Variants in MCC observed in about 807,000 individuals in gnomAD.
MCC encodes the protein colorectal mutant cancer protein.
In MCC, 90 loss-of-function variants were observed where a neutral mutation model predicts 116.2. The ratio of observed to expected loss-of-function variants is 0.77; its 90% CI spans 0.65 to 0.92. MCC has a LOEUF of 0.92. Among genes scored for constraint, MCC ranks in the 40% least tolerant of loss-of-function variants. The pLI is 0.00. For synonymous variants in MCC, 578 were observed against 510.5 expected (o/e 1.13, Z -1.78); for missense variants, 1,516 against 1,312.2 (o/e 1.16, Z -2.40).
intron 3 of MCC, among the ~76,000 whole-genome samples, chr5:113,296,768 A>G (rs576164077): frequency 1.3e-5 from 2 of 152,330 alleles, no homozygotes; most frequent in East Asian, 3.9e-4. Context: ...GCTTTTAGAT[A>G]TTCCAGTAGA....
At chr5:113,402,210 C>T (rs1260716190) in intron 1 of MCC, among the ~76,000 whole-genome samples, 2 of 147,946 alleles carry the variant, frequency 1.4e-5, no homozygotes, top group East Asian at 2.0e-4. Flanking sequence ...AGGAGAATGG[C>T]GTGAACCCGG....
intron 3 of MCC, among the ~76,000 whole-genome samples, chr5:113,197,057 AAGAAACGGTGGCAT>A (rs1212765109): frequency 6.6e-6 from 1 of 152,216 alleles, no homozygotes; most frequent in Non-Finnish European, 1.5e-5. Flanking sequence ...AAATCTGAGC[AAGAAACGGTGGCAT>A]ATGTTGATAT....
intron 3 of MCC, among the ~76,000 whole-genome samples, chr5:113,169,078 T>C (rs17135372): frequency 6.6e-6 from 1 of 151,898 alleles, no homozygotes; most frequent in Non-Finnish European, 1.5e-5. Flanking sequence ...AAAGAAATCT[T>C]GAAACTCCCA....
At chr5:113,138,035 CTTTTT>C (rs11353616) in intron 5 of MCC, among the ~76,000 whole-genome samples, 1 of 149,078 alleles carries the variant, frequency 6.7e-6, no homozygotes, top group East Asian at 2.0e-4. Flanking sequence ...TCCCAAAATT[CTTTTT>C]TTTTTTTTCT....
At chr5:113,148,955 C>T (rs1234461452) in intron 4 of MCC, among the ~76,000 whole-genome samples, 1 of 152,096 alleles carries the variant, frequency 6.6e-6, no homozygotes, top group Non-Finnish European at 1.5e-5. Context: ...CTGAATCAAT[C>T]CTTGACTTAG....
At chr5:113,325,173 G>C (rs1290816120) in intron 3 of MCC, among the ~76,000 whole-genome samples, 1 of 152,118 alleles carries the variant, frequency 6.6e-6, no homozygotes, top group Admixed American at 6.6e-5. Flanking sequence ...AATGAGATAA[G>C]TTAGAGGGGT....
chr5:113,106,423 C>T lies in MCC; in HGVS notation c.1028-2068G>A, dbSNP rs1426795115. On this transcript the variant is annotated intron_variant, in intron 6 of 18. Coordinates refer to ENST00000408903, the MANE Select transcript of MCC (RefSeq NM_001085377.2). ...TTCCCCTCATTCACTATGCTCCATT[C>T]ACACTCCTGGCCTTCTTTTTTCCCC... Among the ~76,000 whole-genome samples, 5 of 152,184 alleles carry T rather than the reference C, an allele frequency of 3.3e-5. No individual in the cohort carries two copies. The South Asian group carries it at 1.0e-3, about 32-fold the overall frequency.
intron 1 of MCC, among the ~76,000 whole-genome samples, chr5:113,466,978 T>C (rs1405562436): frequency 4.6e-5 from 7 of 152,178 alleles, no homozygotes; most frequent in South Asian, 2.1e-4. Flanking sequence ...TGCATAAATG[T>C]CTTCTTTTGA....
At chr5:113,483,057 T>C (rs1772420701) in intron 1 of MCC, among the ~76,000 whole-genome samples, 1 of 152,194 alleles carries the variant, frequency 6.6e-6, no homozygotes, top group Non-Finnish European at 1.5e-5. Context: ...ATCTTGGTGC[T>C]TTCGTTGAAA....
intron 3 of MCC, among the ~76,000 whole-genome samples, chr5:113,208,322 C>T (rs140323691): frequency 2.6e-4 from 39 of 152,214 alleles, no homozygotes; most frequent in African/African-American, 9.1e-4. Context: ...GAAGTTGGAA[C>T]CTATCTGTTC....
chr5:113,424,532 T>C (rs1442325352), intron 1 of MCC, among the ~76,000 whole-genome samples: 1 of 152,132 alleles, frequency 6.6e-6, no homozygotes, highest in Non-Finnish European at 1.5e-5. Flanking sequence ...CTCACCATCA[T>C]GGTGAAACAC....
chr5:113,284,563 T>C (rs184244166), intron 3 of MCC, among the ~76,000 whole-genome samples: 2 of 152,312 alleles, frequency 1.3e-5, no homozygotes, highest in East Asian at 1.9e-4. Flanking sequence ...CCCTGGGAAT[T>C]AGAAAAATAA....
intron 3 of MCC, among the ~76,000 whole-genome samples, chr5:113,205,158 C>T (rs1270159579): frequency 6.6e-6 from 1 of 152,132 alleles, no homozygotes; most frequent in Admixed American, 6.5e-5. Context: ...CTATGAGTTC[C>T]CTTGATGTAT....
chr5:113,371,011 AG>A (rs1768824496), intron 2 of MCC, among the ~76,000 whole-genome samples: 2 of 152,170 alleles, frequency 1.3e-5, no homozygotes, highest in African/African-American at 4.8e-5. Flanking sequence ...TGAGGTCAGG[AG>A]TTCGAGACCA....
At chr5:113,451,088 T>G (rs1015551564) in intron 1 of MCC, among the ~76,000 whole-genome samples, 1 of 152,138 alleles carries the variant, frequency 6.6e-6, no homozygotes, top group African/African-American at 2.4e-5. Context: ...GTAACTCAGT[T>G]TGGTCTCTGT....
intron 8 of MCC, among the ~76,000 whole-genome samples, chr5:113,091,203 C>G (rs919122331): frequency 1.3e-5 from 2 of 152,246 alleles, no homozygotes; most frequent in Non-Finnish European, 2.9e-5. Flanking sequence ...CAAATTTATA[C>G]TATCTGCATA....
chr5:113,162,572 C>T (rs1029223292), intron 3 of MCC, among the ~76,000 whole-genome samples: 6 of 152,122 alleles, frequency 3.9e-5, no homozygotes, highest in African/African-American at 1.4e-4. Context: ...ACACAACTCA[C>T]TGCAGCCTCG....
Position 113,082,979 on chromosome 5 carries a change from G to A in MCC, c.1665C>T (p.Ala555=). Residue 555 remains alanine (A), a synonymous_variant, in exon 11 of 19, where the codon GCC becomes GCT. Coordinates refer to ENST00000408903, the MANE Select transcript of MCC (RefSeq NM_001085377.2). ...TATTGGAGCAGTCCTGAAGTGAGTG[G>A]GCCAGGTGTTCAGCCACACTGCTGG... ...GVSSSVAEHL[A]HSLQDCSNIQ... 1 of 1,613,968 alleles carries A rather than the reference G, an allele frequency of 6.2e-7. No homozygotes were observed. The highest frequency in any genetic ancestry group is 8.5e-7 in the Non-Finnish European group (1 of 1,179,966).
At chr5:113,463,093 G>A (rs1771790038) in intron 1 of MCC, among the ~76,000 whole-genome samples, 1 of 152,216 alleles carries the variant, frequency 6.6e-6, no homozygotes, top group South Asian at 2.1e-4. Flanking sequence ...GATGTATCCA[G>A]TGCACAGGAG....
Sources: gnomAD v4.1 joint callset for allele counts (sites outside exome capture counted in the v4.1 genomes callset) on GRCh38, gnomAD v4.1.1 for gene constraint, MANE v1.5 for transcripts, NCBI Gene and HGNC (gene_info 2026-07-23, HGNC 2026-07-21) for gene names.